The following MAPKAPK2 variants were observed in gnomAD, a reference collection of about 807,000 sequenced individuals.
MAPKAPK2 encodes MAP kinase-activated protein kinase 2.
A neutral mutation model predicts 48.8 loss-of-function variants in MAPKAPK2; 9 were observed. The ratio of observed to expected loss-of-function variants is 0.18; its 90% CI spans 0.11 to 0.32. The LOEUF is 0.32. MAPKAPK2 is among the 10% of genes least tolerant of loss of function. The pLI is 1.00. For missense variants in MAPKAPK2, 331 were observed against 498.3 expected, an observed-to-expected ratio of 0.66 and a Z score of 3.20; for synonymous variants, 202 against 190.6, an observed-to-expected ratio of 1.06 and a Z score of -0.49.
chr1:206,730,577 C>G (rs1673869612), intron 5 of MAPKAPK2, 111 bp from the exon 6 acceptor site: 1 of 907,476 alleles, frequency 1.1e-6, no homozygotes, highest in Non-Finnish European at 1.8e-6. Flanking sequence ...CCAACTGCTG[C>G]CACCTCATGA....
At chr1:206,694,863 G>A (rs1553426767) in intron 1 of MAPKAPK2, among the ~76,000 whole-genome samples, 1 of 152,200 alleles carries the variant, frequency 6.6e-6, no homozygotes, top group African/African-American at 2.4e-5. Flanking sequence ...CCAGATCTCT[G>A]GCAGATGGGG....
At chr1:206,725,065 C>T (rs889870786) in intron 1 of MAPKAPK2, among the ~76,000 whole-genome samples, 2 of 152,180 alleles carry the variant, frequency 1.3e-5, no homozygotes, top group African/African-American at 2.4e-5. Flanking sequence ...AAAATGCATG[C>T]GATTGCAAAG....
At chr1:206,727,652 G>A (rs938178622) in intron 1 of MAPKAPK2, among the ~76,000 whole-genome samples, 4 of 151,784 alleles carry the variant, frequency 2.6e-5, no homozygotes, top group African/African-American at 4.8e-5. Context: ...ATGGAGTCTC[G>A]CTCTGTTGCC....
At position 206,732,183 on chromosome 1, in the gene MAPKAPK2, G is replaced by A. The variant is rs1673936776; in HGVS notation, c.1059+264G>A. The A allele has an allele frequency of 1.6e-5, 25 of 1,596,602 alleles. No homozygotes were observed. In the South Asian group the frequency reaches 2.4e-4, roughly 16 times the overall value. On this transcript the variant is annotated intron_variant, in intron 9 of 9. Coordinates refer to ENST00000367103, the MANE Select transcript of MAPKAPK2 (RefSeq NM_032960.4). The surrounding 1 kb of genome is among the most constrained non-coding windows in gnomAD (Gnocchi z 4.4). The stretch of plus-strand genomic sequence containing the variant: ...TCTAATGGGACCTTAAAGACCATCT[G>A]GTATCATCTTCTCATTTTGCAGAAG...
rs184526055 is a variant in MAPKAPK2, at chr1:206,707,041, C to T, written c.279+21533C>T. Among the ~76,000 whole-genome samples, 19 of 152,274 alleles carry T rather than the reference C, an allele frequency of 1.2e-4. 1 individual carries two copies. In the East Asian group the frequency reaches 1.4e-3, roughly 11 times the overall value. On this transcript the variant is annotated intron_variant, in intron 1 of 9. Coordinates refer to ENST00000367103, the MANE Select transcript of MAPKAPK2 (RefSeq NM_032960.4). Reference sequence around the variant, plus strand: ...GTAGGCATGTAGTTGGAGGAGGGAACGGCACTGCAGCCGCGCTCTTCTCTC... The same window carrying T: ...GTAGGCATGTAGTTGGAGGAGGGAATGGCACTGCAGCCGCGCTCTTCTCTC...
At chr1:206,727,333 G>A (rs568646653) in intron 1 of MAPKAPK2, among the ~76,000 whole-genome samples, 1 of 152,274 alleles carries the variant, frequency 6.6e-6, no homozygotes, top group South Asian at 2.1e-4. Context: ...CTTTACAAAG[G>A]AAGGGTAGAT....
In MAPKAPK2 at chr1:206,685,330, AGCCGCC is replaced by A; in HGVS notation, c.111_116del (p.Pro39_Pro40del). ...CCTGCCCTGCCGCACCCCCCGGCGC[AGCCGCC>A]GCCGCCGCCCCCGCAGCAGTTCCCG... On this transcript the variant is annotated inframe_deletion, in exon 1 of 10. Transcript: ENST00000367103. 3 of 1,087,170 alleles carry A rather than the reference AGCCGCC, an allele frequency of 2.8e-6. No homozygotes were observed. The highest frequency in any genetic ancestry group is 3.7e-6 in the Non-Finnish European group (3 of 821,328). The allele number at this position is 1,087,170 out of a possible 1,614,324, so 67.3% of individuals were successfully genotyped here.
chr1:206,696,147 A>T, intron 1 of MAPKAPK2: 4 of 1,564,154 alleles, frequency 2.6e-6, no homozygotes, highest in Non-Finnish European at 3.5e-6. Flanking sequence ...TGACATGGAC[A>T]AAAGTGTCAT....
chr1:206,722,658 T>G (rs782559073), intron 1 of MAPKAPK2, among the ~76,000 whole-genome samples: 3 of 152,142 alleles, frequency 2.0e-5, no homozygotes, highest in Non-Finnish European at 4.4e-5. Flanking sequence ...CCTGTATAAA[T>G]GGATCCACGC....
Position 206,734,258 on chromosome 1 carries a change from CT to C in MAPKAPK2, c.*1543del, listed in dbSNP as rs1278488592. 1 of 152,836 alleles carries C rather than the reference CT, an allele frequency of 6.5e-6. No homozygotes were observed. Among genetic ancestry groups the C allele is most frequent in the African/African-American group, 2.4e-5 (1 of 41,452 alleles). The allele number at this position is 152,836 out of a possible 1,614,324, so 9.5% of individuals were successfully genotyped here. On this transcript the variant is annotated 3_prime_UTR_variant, in exon 10 of 10. Transcript: ENST00000367103. The stretch of plus-strand genomic sequence containing the variant: ...TGTTGTTTTGTATGAGCGAAATTGT[CT>C]TTACTAAACAGATTTAATAGTTGAG...
At chr1:206,727,216 A>G (rs1673727844) in intron 1 of MAPKAPK2, among the ~76,000 whole-genome samples, 1 of 152,234 alleles carries the variant, frequency 6.6e-6, no homozygotes, top group African/African-American at 2.4e-5. Context: ...GATAAAAATG[A>G]CAGCTATTAG....
chr1:206,723,463 A>G (rs908446009), intron 1 of MAPKAPK2, among the ~76,000 whole-genome samples: 1 of 152,204 alleles, frequency 6.6e-6, no homozygotes, highest in African/African-American at 2.4e-5. Context: ...TAAGGGAACC[A>G]AGGCACAAAG....
At chr1:206,724,840 G>A (rs1673655307) in intron 1 of MAPKAPK2, among the ~76,000 whole-genome samples, 1 of 152,068 alleles carries the variant, frequency 6.6e-6, no homozygotes, top group Admixed American at 6.6e-5. Context: ...ATTAGATCTT[G>A]CCCATTAGAA....
At position 206,722,923 on chromosome 1, in the gene MAPKAPK2, C is replaced by T. The variant is rs74147691; in HGVS notation, c.280-5787C>T. ...AGTGGGTGGCCCTGGCCTGGAGGCA[C>T]GGTGGGTTAGTGTGTGACACACGTG... On this transcript the variant is annotated intron_variant, in intron 1 of 9. Coordinates refer to ENST00000367103, the MANE Select transcript of MAPKAPK2 (RefSeq NM_032960.4). Among the ~76,000 whole-genome samples, 264 of 152,366 alleles carry T rather than the reference C, an allele frequency of 1.7e-3. 2 individuals carry two copies. The highest frequency in any genetic ancestry group is 5.8e-3 in the African/African-American group (240 of 41,586).
At chr1:206,692,204 T>C (rs1268006651) in intron 1 of MAPKAPK2, among the ~76,000 whole-genome samples, 1 of 147,972 alleles carries the variant, frequency 6.8e-6, no homozygotes, top group Non-Finnish European at 1.5e-5. Context: ...GCTTTGTCTT[T>C]GTGTGTGGCT....
chr1:206,724,237 G>A (rs1673636663), intron 1 of MAPKAPK2, among the ~76,000 whole-genome samples: 1 of 152,220 alleles, frequency 6.6e-6, no homozygotes, highest in South Asian at 2.1e-4. Flanking sequence ...CTCTGCTGGT[G>A]GCCTCTGGCA....
At position 206,685,053 on chromosome 1, in the gene MAPKAPK2, G is replaced by T; in HGVS notation, c.-177G>T. On this transcript the variant is annotated 5_prime_UTR_variant, in exon 1 of 10. Coordinates refer to ENST00000367103, the MANE Select transcript of MAPKAPK2 (RefSeq NM_032960.4). The stretch of plus-strand genomic sequence containing the variant: ...GGCCGGTGGGAGCCAGCGGCGCGCG[G>T]TGGGACCCACGGAGCCCCGCGACCC... The T allele has an allele frequency of 5.8e-6, 1 of 172,618 alleles. No homozygotes were observed. Among genetic ancestry groups the T allele is most frequent in the Non-Finnish European group, 1.2e-5 (1 of 82,806 alleles). The allele number at this position is 172,618 out of a possible 1,614,324, so 10.7% of individuals were successfully genotyped here.
chr1:206,685,523 CG>C lies in MAPKAPK2; in HGVS notation c.279+19del. On this transcript the variant is annotated intron_variant, in intron 1 of 9. Transcript: ENST00000367103. ...TCGCCCTCAAAGTAGGTCTGGGGCC[CG>C]GGGAGGGGAGGCGGGGCCGGTCCCG... The C allele has an allele frequency of 2.7e-6, 4 of 1,491,868 alleles. No individual in the cohort carries two copies. Among genetic ancestry groups the C allele is most frequent in the African/African-American group, 1.5e-5 (1 of 67,636 alleles). 92.4% of individuals were successfully genotyped at this position (1,491,868 alleles called of 1,614,324 possible).
In MAPKAPK2 at chr1:206,731,543, C is replaced by G; in HGVS notation, c.893-97C>G. On this transcript the variant is annotated intron_variant, in intron 7 of 9. Transcript: ENST00000367103. The surrounding 1 kb of genome is among the most constrained non-coding windows in gnomAD (Gnocchi z 5.9). ...CTCCGGCAGCCTGCCTCCATGCACCCCCTCTTTGAACCTGGTTTCCCCATG... is the reference window on the plus strand; with the variant it reads ...CTCCGGCAGCCTGCCTCCATGCACCGCCTCTTTGAACCTGGTTTCCCCATG... 1 of 1,191,852 alleles carries G rather than the reference C, an allele frequency of 8.4e-7. No homozygotes were observed. The highest frequency in any genetic ancestry group is 1.3e-6 in the Non-Finnish European group (1 of 799,446). 73.8% of individuals were successfully genotyped at this position (1,191,852 alleles called of 1,614,324 possible).
Sources: allele counts gnomAD v4.1 joint callset (sites outside exome capture counted in the v4.1 genomes callset), GRCh38; gene constraint gnomAD v4.1.1; non-coding constraint Gnocchi (gnomAD v3.1); transcripts MANE v1.5; gene names NCBI Gene and HGNC (gene_info 2026-07-23, HGNC 2026-07-21).